NIPSNAP1: variants seen among roughly 807,000 people sequenced by gnomAD.
NIPSNAP1 encodes the protein protein NipSnap homolog 1.
In NIPSNAP1, 25 loss-of-function variants were observed where a neutral mutation model predicts 49.2. The observed-to-expected ratio is 0.51, with a 90% CI of 0.37 to 0.71. The LOEUF (loss-of-function observed/expected upper bound fraction) is 0.71, where lower values mean the gene tolerates loss of function less well. Ranked by LOEUF, NIPSNAP1 falls within the 30% of genes least tolerant of loss-of-function variation. The pLI, the probability that NIPSNAP1 is intolerant of heterozygous loss-of-function variation, is 0.00. For synonymous variants in NIPSNAP1, 143 were observed against 140.7 expected (o/e 1.02, Z -0.12); for missense variants, 294 against 361.0 (o/e 0.81, Z 1.50).
chr22:29,569,678 TA>T (rs35756780), intron 3 of NIPSNAP1, among the ~76,000 whole-genome samples: 118,290 of 140,290 alleles, frequency 0.84, 50,258 homozygotes, highest in African/African-American at 0.95. Context: ...GACCATCTCT[TA>T]AAAAAAAAAA....
chr22:29,560,520 A>G (rs1476147595), intron 8 of NIPSNAP1, among the ~76,000 whole-genome samples: 1 of 152,102 alleles, frequency 6.6e-6, no homozygotes, highest in Non-Finnish European at 1.5e-5. Context: ...TGTCGTGATT[A>G]TACACTTGAG....
At chr22:29,556,095 G>T in intron 9 of NIPSNAP1, 96 bp from the exon 10 acceptor site, 1 of 1,044,470 alleles carries the variant, frequency 9.6e-7, no homozygotes, top group South Asian at 1.4e-5. Context: ...GAGTGGGCAG[G>T]AGGAGGCCCC....
chr22:29,568,397 A>G (rs573462775), intron 4 of NIPSNAP1, among the ~76,000 whole-genome samples: 1 of 149,812 alleles, frequency 6.7e-6, no homozygotes, highest in African/African-American at 2.5e-5. Context: ...GCAGGAGAAT[A>G]TCTTCAACTC....
chr22:29,561,453 G>A, intron 6 of NIPSNAP1, 53 bp downstream of exon 6: 1 of 1,611,862 alleles, frequency 6.2e-7, no homozygotes, highest in Non-Finnish European at 8.5e-7. Context: ...CTGCAAAGCA[G>A]CATTGCAGCA....
At chr22:29,580,190 G>C in intron 1 of NIPSNAP1, 1 of 1,303,958 alleles carries the variant, frequency 7.7e-7, no homozygotes, top group Non-Finnish European at 1.0e-6. Flanking sequence ...TCATGGTCTA[G>C]TGAGAGAGAC....
intron 1 of NIPSNAP1, among the ~76,000 whole-genome samples, chr22:29,577,075 T>C (rs908908597): frequency 6.7e-6 from 1 of 148,900 alleles, no homozygotes; most frequent in African/African-American, 2.5e-5. Context: ...GCTTCATCTT[T>C]CTTTTTTCTT....
chr22:29,562,306 G>GAAA (rs2064341378), intron 4 of NIPSNAP1, among the ~76,000 whole-genome samples: 1 of 152,092 alleles, frequency 6.6e-6, no homozygotes, highest in Admixed American at 6.6e-5. Context: ...ACAGTGAATT[G>GAAA]AAAAAAGGAA....
At chr22:29,569,944 G>C (rs1057110842) in intron 3 of NIPSNAP1, 2 of 553,092 alleles carry the variant, frequency 3.6e-6, no homozygotes, top group Non-Finnish European at 6.5e-6. Flanking sequence ...AGCCGAGATC[G>C]CGCCATTGCA....
At chr22:29,560,224 C>T (rs2064325206) in intron 8 of NIPSNAP1, among the ~76,000 whole-genome samples, 1 of 151,322 alleles carries the variant, frequency 6.6e-6, no homozygotes, top group South Asian at 2.1e-4. Context: ...ATGTTTTTCA[C>T]CATCATCTCT....
At chr22:29,567,506 G>A (rs773734523) in intron 4 of NIPSNAP1, among the ~76,000 whole-genome samples, 2 of 152,268 alleles carry the variant, frequency 1.3e-5, no homozygotes, top group African/African-American at 4.8e-5. Context: ...CCCAGCCCGC[G>A]TGGAGGAAAT....
rs971129590 is a variant in NIPSNAP1, at chr22:29,560,878, G to A, written c.612-50C>T. On this transcript the variant is annotated intron_variant, in intron 7 of 9. Transcript: ENST00000216121. ...GCAGAAGCCAGGGCTGGTGCAGAGG[G>A]TACTGAGGCTGATTCCTTGGCCACA... The A allele has an allele frequency of 5.2e-6, 8 of 1,539,826 alleles. No individual in the cohort carries two copies. The African/African-American group carries it at 8.2e-5, about 16-fold the overall frequency.
chr22:29,564,237 C>A (rs1421950244), intron 4 of NIPSNAP1: 2 of 442,710 alleles, frequency 4.5e-6, no homozygotes, highest in Non-Finnish European at 9.3e-6. Flanking sequence ...CTGACCTTCA[C>A]CTGTTTTTTG....
intron 8 of NIPSNAP1, among the ~76,000 whole-genome samples, chr22:29,559,733 C>A (rs887240266): frequency 9.9e-5 from 15 of 152,024 alleles, no homozygotes; most frequent in African/African-American, 3.6e-4. Context: ...CTGTTGGTTC[C>A]ACCTCTAGAC....
intron 4 of NIPSNAP1, among the ~76,000 whole-genome samples, chr22:29,568,794 G>A (rs1435005210): frequency 6.6e-6 from 1 of 151,306 alleles, no homozygotes; most frequent in African/African-American, 2.4e-5. Flanking sequence ...ACTCAGTCTC[G>A]GAAAAAAAAA....
chr22:29,569,114 T>G, intron 4 of NIPSNAP1, 79 bp downstream of exon 4: 7 of 1,108,324 alleles, frequency 6.3e-6, no homozygotes, highest in Non-Finnish European at 8.1e-6. Flanking sequence ...GGAGAGGGAG[T>G]GGAGAACAGC....
chr22:29,562,382 A>G (rs1334801187), intron 4 of NIPSNAP1, among the ~76,000 whole-genome samples: 1 of 152,214 alleles, frequency 6.6e-6, no homozygotes, highest in Non-Finnish European at 1.5e-5. Context: ...ACATCCAGAG[A>G]TGCTAATTTA....
chr22:29,569,909 T>C, intron 3 of NIPSNAP1: 1 of 496,622 alleles, frequency 2.0e-6, no homozygotes, highest in Admixed American at 3.3e-5. Flanking sequence ...GAATCGCTTG[T>C]ACCTGGGAGG....
intron 4 of NIPSNAP1, among the ~76,000 whole-genome samples, chr22:29,568,110 TTGAGGCTCGAG>T: frequency 7.3e-6 from 1 of 137,770 alleles, no homozygotes; most frequent in Non-Finnish European, 1.5e-5. Flanking sequence ...GCCTGGGAAA[TTGAGGCTCGAG>T]TGAGCCAAGA....
At chr22:29,561,978 C>T (rs2064339501) in intron 4 of NIPSNAP1, 116 bp from the exon 5 acceptor site, 1 of 814,734 alleles carries the variant, frequency 1.2e-6, no homozygotes, top group East Asian at 2.5e-5. Context: ...TTCCCTGTAG[C>T]AGCAAGACTC....
Sources: allele counts gnomAD v4.1 joint callset (sites outside exome capture counted in the v4.1 genomes callset), GRCh38; gene constraint gnomAD v4.1.1; transcripts MANE v1.5; gene names NCBI Gene and HGNC (gene_info 2026-07-23, HGNC 2026-07-21).